Variants in PDZRN4 observed in about 807,000 individuals in gnomAD.
PDZRN4 encodes the protein PDZ domain-containing RING finger protein 4.
Under a neutral mutation model 99.0 loss-of-function variants are expected in PDZRN4, and 70 were observed. The observed-to-expected ratio is 0.71, with a 90% confidence interval of 0.58 to 0.86. The LOEUF (loss-of-function observed/expected upper bound fraction) is 0.86, where lower values mean the gene tolerates loss of function less well. PDZRN4 is among the 40% of genes least tolerant of loss of function. The probability of loss-of-function intolerance (pLI) is 0.00; values close to 1 mark genes in which losing one functional copy is unlikely to be tolerated. For missense variants in PDZRN4, 1,474 were observed against 1,331.2 expected, an observed-to-expected ratio of 1.11 and a Z score of -1.67; for synonymous variants, 551 against 501.6, an observed-to-expected ratio of 1.10 and a Z score of -1.32.
At chr12:41,351,598 G>T (rs1338862816) in intron 3 of PDZRN4, among the ~76,000 whole-genome samples, 3 of 151,720 alleles carry the variant, frequency 2.0e-5, no homozygotes, top group Non-Finnish European at 4.4e-5. Flanking sequence ...GAACGGGGAG[G>T]TGCTACACAC....
intron 3 of PDZRN4, among the ~76,000 whole-genome samples, chr12:41,312,051 C>T (rs954063800): frequency 1.3e-5 from 2 of 152,122 alleles, no homozygotes; most frequent in Non-Finnish European, 2.9e-5. Flanking sequence ...CTGCTAAAAT[C>T]ATGTTTTTCT....
chr12:41,301,372 T>G (rs549483163), intron 3 of PDZRN4, among the ~76,000 whole-genome samples: 1 of 152,222 alleles, frequency 6.6e-6, no homozygotes, highest in South Asian at 2.1e-4. Flanking sequence ...GTGGAATAAC[T>G]GTATTATTGC....
chr12:41,550,363 G>C (rs1223458102), intron 5 of PDZRN4, among the ~76,000 whole-genome samples: 1 of 152,038 alleles, frequency 6.6e-6, no homozygotes, highest in Non-Finnish European at 1.5e-5. Flanking sequence ...TTCCTTATTG[G>C]CCTCTTAGGA....
intron 5 of PDZRN4, among the ~76,000 whole-genome samples, chr12:41,515,622 G>A (rs558709620): frequency 1.6e-3 from 246 of 152,146 alleles, no homozygotes; most frequent in African/African-American, 5.8e-3. Context: ...TTTCAGATGA[G>A]AATCTTAGTC....
At chr12:41,448,823 T>C (rs1395939534) in intron 3 of PDZRN4, among the ~76,000 whole-genome samples, 2 of 152,178 alleles carry the variant, frequency 1.3e-5, no homozygotes, top group African/African-American at 4.8e-5. Context: ...TATTTTAATA[T>C]GCATATTGAC....
intron 3 of PDZRN4, among the ~76,000 whole-genome samples, chr12:41,351,583 A>G (rs527349023): frequency 6.6e-6 from 1 of 152,074 alleles, no homozygotes; most frequent in Admixed American, 6.6e-5. Context: ...AGAAGGAGAG[A>G]GAGAGAACGG....
At chr12:41,250,901 C>A (rs989911100) in intron 3 of PDZRN4, among the ~76,000 whole-genome samples, 2 of 152,168 alleles carry the variant, frequency 1.3e-5, no homozygotes, top group African/African-American at 4.8e-5. Flanking sequence ...TCACAAAGAA[C>A]TGCTGCTTGA....
At chr12:41,338,441 A>G (rs1951791000) in intron 3 of PDZRN4, among the ~76,000 whole-genome samples, 1 of 152,048 alleles carries the variant, frequency 6.6e-6, no homozygotes, top group Non-Finnish European at 1.5e-5. Context: ...TTTGAATAGT[A>G]TTCAAAAAAT....
chr12:41,198,198 G>T (rs966141386), intron 3 of PDZRN4, among the ~76,000 whole-genome samples: 1 of 152,030 alleles, frequency 6.6e-6, no homozygotes. Flanking sequence ...GATTACAGGC[G>T]TGAGCCATAG....
chr12:41,300,333 T>C (rs548000351), intron 3 of PDZRN4, among the ~76,000 whole-genome samples: 1 of 151,984 alleles, frequency 6.6e-6, no homozygotes, highest in Non-Finnish European at 1.5e-5. Flanking sequence ...CAACTCCTGA[T>C]AAATTTAGTA....
intron 3 of PDZRN4, among the ~76,000 whole-genome samples, chr12:41,298,251 G>A (rs895635039): frequency 1.3e-5 from 2 of 151,970 alleles, no homozygotes; most frequent in African/African-American, 2.4e-5. Flanking sequence ...ATTGAACTTC[G>A]AAATTACTCC....
chr12:41,224,668 A>G (rs966664522), intron 3 of PDZRN4, among the ~76,000 whole-genome samples: 1 of 152,174 alleles, frequency 6.6e-6, no homozygotes, highest in African/African-American at 2.4e-5. Context: ...AGAAAATCTG[A>G]GTTTGTGTCT....
intron 3 of PDZRN4, among the ~76,000 whole-genome samples, chr12:41,398,985 AAAAC>A (rs1952270901): frequency 6.6e-6 from 1 of 152,196 alleles, no homozygotes; most frequent in Non-Finnish European, 1.5e-5. Context: ...TCTCAGCTGT[AAAAC>A]AAGCACTTGC....
chr12:41,431,429 G>C (rs1371806889), intron 3 of PDZRN4, among the ~76,000 whole-genome samples: 1 of 152,166 alleles, frequency 6.6e-6, no homozygotes, highest in Non-Finnish European at 1.5e-5. Context: ...ACTGAGACTT[G>C]ACCCAGGGCA....
At chr12:41,430,399 G>A (rs957423128) in intron 3 of PDZRN4, among the ~76,000 whole-genome samples, 1 of 151,892 alleles carries the variant, frequency 6.6e-6, no homozygotes, top group Non-Finnish European at 1.5e-5. Flanking sequence ...AACCCAGGAG[G>A]CAGAGGTTGC....
intron 3 of PDZRN4, among the ~76,000 whole-genome samples, chr12:41,251,220 G>A (rs948275971): frequency 1.3e-5 from 2 of 152,106 alleles, no homozygotes; most frequent in Admixed American, 1.3e-4. Context: ...TGAACCAATT[G>A]AGATGTTTGT....
At chr12:41,476,336 G>T (rs1953042785) in intron 3 of PDZRN4, among the ~76,000 whole-genome samples, 1 of 152,048 alleles carries the variant, frequency 6.6e-6, no homozygotes, top group Non-Finnish European at 1.5e-5. Flanking sequence ...ACAAACTAGG[G>T]GTAGAATCAC....
chr12:41,373,364 G>A (rs1952057230), intron 3 of PDZRN4, among the ~76,000 whole-genome samples: 1 of 152,036 alleles, frequency 6.6e-6, no homozygotes, highest in South Asian at 2.1e-4. Context: ...CAGGAGACTG[G>A]GGCTTATTTC....
intron 3 of PDZRN4, among the ~76,000 whole-genome samples, chr12:41,416,343 G>C (rs1034151344): frequency 3.9e-5 from 6 of 152,110 alleles, no homozygotes; most frequent in African/African-American, 1.4e-4. Flanking sequence ...CTTTCTTTCT[G>C]ATTAAAAACA....
Sources: gnomAD v4.1 joint callset for allele counts (sites outside exome capture counted in the v4.1 genomes callset) on GRCh38, gnomAD v4.1.1 for gene constraint, MANE v1.5 for transcripts, NCBI Gene and HGNC (gene_info 2026-07-23, HGNC 2026-07-21) for gene names.